DMD: variants seen among roughly 807,000 people sequenced by gnomAD.
DMD encodes mutant dystrophin.
Under a neutral mutation model 330.1 loss-of-function variants are expected in DMD, and 63 were observed. That is an observed-to-expected ratio of 0.19 (90% confidence interval 0.16 to 0.24). The LOEUF (loss-of-function observed/expected upper bound fraction) is 0.24. Ranked by LOEUF, DMD falls within the 10% of genes least tolerant of loss-of-function variation. DMD has a pLI of 1.00. For missense variants in DMD, 3,344 were observed against 2,684.1 expected, an observed-to-expected ratio of 1.25 and a Z score of -5.43; for synonymous variants, 1,223 against 959.8, an observed-to-expected ratio of 1.27 and a Z score of -5.07.
intron 7 of DMD, among the ~76,000 whole-genome samples, chrX:32,764,309 TAACATAA>T (rs2072696946): frequency 9.0e-6 from 1 of 111,476 alleles, no homozygotes; most frequent in South Asian, 3.7e-4. Context: ...AAAATATATA[TAACATAA>T]AACATATAAT....
chrX:32,307,975 T>C (rs1374219094), intron 42 of DMD, among the ~76,000 whole-genome samples: 1 of 110,694 alleles, frequency 9.0e-6, no homozygotes, highest in Non-Finnish European at 1.9e-5. Flanking sequence ...TAATATTGGC[T>C]CTGAAGTAAG....
At chrX:32,239,191 G>A (rs1251673600) in intron 43 of DMD, among the ~76,000 whole-genome samples, 1 of 111,159 alleles carries the variant, frequency 9.0e-6, no homozygotes, top group Non-Finnish European at 1.9e-5. Flanking sequence ...GTCCTCTGCA[G>A]GACAAAATCA....
chrX:32,953,796 G>A (rs2091405827), intron 2 of DMD, among the ~76,000 whole-genome samples: 2 of 112,357 alleles, frequency 1.8e-5, no homozygotes, highest in African/African-American at 6.5e-5. Context: ...GAAGAAGCTT[G>A]TATTCTGAAT....
chrX:31,467,706 T>C (rs962178226), intron 59 of DMD, among the ~76,000 whole-genome samples: 1 of 111,915 alleles, frequency 8.9e-6, no homozygotes, highest in Non-Finnish European at 1.9e-5. Context: ...GAGTCCCTCT[T>C]TTCCTATTGT....
At chrX:31,436,368 C>T (rs2064530475) in intron 60 of DMD, among the ~76,000 whole-genome samples, 1 of 111,193 alleles carries the variant, frequency 9.0e-6, no homozygotes, top group Non-Finnish European at 1.9e-5. Context: ...TTCTTTGGCT[C>T]CTGATGGCTT....
At chrX:32,072,505 C>T (rs1224277611) in intron 44 of DMD, among the ~76,000 whole-genome samples, 1 of 111,246 alleles carries the variant, frequency 9.0e-6, no homozygotes, top group Non-Finnish European at 1.9e-5. Context: ...TCTTGACTAA[C>T]GAATTCCTTG....
At chrX:33,190,946 TATA>T (rs1200512375) in intron 1 of DMD, among the ~76,000 whole-genome samples, 5 of 1,364 alleles carry the variant, frequency 3.7e-3, no homozygotes, top group East Asian at 0.11. Flanking sequence ...ATATATAATA[TATA>T]ATATTATATA....
intron 5 of DMD, among the ~76,000 whole-genome samples, chrX:32,817,659 T>C (rs189005942): frequency 3.6e-5 from 4 of 112,238 alleles, no homozygotes; most frequent in Non-Finnish European, 5.6e-5. Flanking sequence ...AAGGTTCATA[T>C]ACTATCAACA....
In DMD at chrX:32,312,941, C is replaced by CAAA. The variant is rs1171543953; in HGVS notation, c.5923-2666_5923-2665insTTT. 1.2e-3 allele frequency among the ~76,000 whole-genome samples: 23 copies of CAAA among 19,190 alleles called. 1 individual carries two copies. Among genetic ancestry groups the CAAA allele is most frequent in the Admixed American group, 0.012 (12 of 1,010 alleles). 16.7% of individuals were successfully genotyped at this position (19,190 alleles called of 115,157 possible). On this transcript the variant is annotated intron_variant, in intron 41 of 78. Transcript: ENST00000357033. ...AATTGAGGCAGTAATAGCCTACGAA[C>CAAA]CAAAAAAAAAAAAAAAAAAAAAAGC...
At chrX:32,784,648 T>G (rs2148581214) in intron 7 of DMD, among the ~76,000 whole-genome samples, 1 of 111,880 alleles carries the variant, frequency 8.9e-6, no homozygotes, top group African/African-American at 3.2e-5. Context: ...ATTTATGCAT[T>G]TATGTCCAAC....
At chrX:32,353,065 A>C (rs2097787219) in intron 37 of DMD, among the ~76,000 whole-genome samples, 1 of 111,182 alleles carries the variant, frequency 9.0e-6, no homozygotes, top group Non-Finnish European at 1.9e-5. Context: ...TTAATCAACC[A>C]GTGACCAATT....
At chrX:32,019,551 A>T (rs763738625) in intron 44 of DMD, among the ~76,000 whole-genome samples, 137 of 112,287 alleles carry the variant, frequency 1.2e-3, no homozygotes, top group Non-Finnish European at 2.1e-3. Context: ...AGTGCTTTTC[A>T]GTTTTAAGGT....
chrX:32,015,993 G>A lies in DMD; in HGVS notation c.6439-47479C>T, dbSNP rs1038622289. On this transcript the variant is annotated intron_variant, in intron 44 of 78. Coordinates refer to ENST00000357033, the MANE Select transcript of DMD (RefSeq NM_004006.3). ...CTAGGCAGCAACACCCAACCCTCCC[G>A]CTGGCCTGAGCAGCAGGTGCTGGTG... 3.9e-4 allele frequency among the ~76,000 whole-genome samples: 44 copies of A among 111,656 alleles called. 1 individual carries two copies. Among genetic ancestry groups the A allele is most frequent in the African/African-American group, 5.5e-4 (17 of 30,745 alleles).
rs1256110272 is a variant in DMD at position 31,707,702 on chromosome X, A to G, written c.7660+21929T>C. Among the ~76,000 whole-genome samples, 5 of 111,733 alleles carry G rather than the reference A, an allele frequency of 4.5e-5. No homozygotes were observed. In the Admixed American group the frequency reaches 4.8e-4, roughly 11 times the overall value. On this transcript the variant is annotated intron_variant, in intron 52 of 78. Coordinates refer to ENST00000357033, the MANE Select transcript of DMD (RefSeq NM_004006.3). ...TAGGATTTTAAAACATAGCTTCAAC[A>G]ATGACCCCAGAAACCTCAGAGGCCT...
intron 11 of DMD, among the ~76,000 whole-genome samples, chrX:32,630,452 G>C (rs780369382): frequency 3.8e-4 from 42 of 109,417 alleles, no homozygotes; most frequent in Non-Finnish European, 6.7e-4. Context: ...TTATCTTCTT[G>C]TACTTGAATT....
intron 60 of DMD, among the ~76,000 whole-genome samples, chrX:31,429,991 G>A (rs990376112): frequency 2.7e-5 from 3 of 111,046 alleles, no homozygotes; most frequent in African/African-American, 6.6e-5. Flanking sequence ...CATAGTGCCC[G>A]GAGAAGGATG....
At chrX:32,316,588 G>A (rs2097583194) in intron 41 of DMD, among the ~76,000 whole-genome samples, 1 of 111,467 alleles carries the variant, frequency 9.0e-6, no homozygotes, top group African/African-American at 3.2e-5. Context: ...GAACTTTCTT[G>A]AGAAATAGAA....
intron 2 of DMD, among the ~76,000 whole-genome samples, chrX:32,967,175 C>A (rs1027647633): frequency 1.8e-5 from 2 of 111,625 alleles, no homozygotes; most frequent in Admixed American, 1.9e-4. Flanking sequence ...TTTCATCCCT[C>A]CCAGCCAGTC....
At chrX:32,060,098 T>A (rs1220710318) in intron 44 of DMD, among the ~76,000 whole-genome samples, 5 of 104,945 alleles carry the variant, frequency 4.8e-5, no homozygotes, top group Admixed American at 3.0e-4. Flanking sequence ...CACCGATTAC[T>A]TGCACAGTGA....
Sources: allele counts gnomAD v4.1 joint callset (sites outside exome capture counted in the v4.1 genomes callset), GRCh38; gene constraint gnomAD v4.1.1; transcripts MANE v1.5; gene names NCBI Gene and HGNC (gene_info 2026-07-23, HGNC 2026-07-21).